VPS13A: variants seen among roughly 807,000 people sequenced by gnomAD.
VPS13A encodes vacuolar protein sorting 13 homolog A.
Under a neutral mutation model 390.9 loss-of-function variants are expected in VPS13A, and 264 were observed. The observed-to-expected ratio is 0.68, with a 90% CI of 0.61 to 0.75. The LOEUF (loss-of-function observed/expected upper bound fraction) is 0.75, where lower values mean the gene tolerates loss of function less well. Ranked by LOEUF, VPS13A falls within the 30% of genes least tolerant of loss-of-function variation. VPS13A has a pLI of 0.00. For synonymous variants in VPS13A, 1,231 were observed against 1,227.1 expected, an observed-to-expected ratio of 1.00 and a Z score of -0.07; for missense variants, 3,409 against 3,733.9, an observed-to-expected ratio of 0.91 and a Z score of 2.27.
At chr9:77,400,416 A>G (rs1320545907) in intron 68 of VPS13A, among the ~76,000 whole-genome samples, 1 of 151,628 alleles carries the variant, frequency 6.6e-6, no homozygotes, top group Non-Finnish European at 1.5e-5. Context: ...ATTTTACTTT[A>G]TTACTGTTTA....
rs1835274412 is a variant in VPS13A, at chr9:77,419,333, A to AAAT, written c.*3329_*3331dup. On this transcript the variant is annotated 3_prime_UTR_variant, in exon 72 of 72. Transcript: ENST00000360280. The stretch of plus-strand genomic sequence containing the variant: ...TAAAATGGTTAAGTATTGGTTCCTG[A>AAAT]AATACTGTTTCAGCTAAATATTCTA... 6.6e-6 allele frequency: 1 copy of AAAT among 152,224 alleles called. No individual in the cohort carries two copies. Among genetic ancestry groups the AAAT allele is most frequent in the South Asian group, 2.1e-4 (1 of 4,830 alleles). 9.4% of individuals were successfully genotyped at this position (152,224 alleles called of 1,614,324 possible).
In VPS13A at chr9:77,219,989, A is replaced by T. The variant is rs756511432; in HGVS notation, c.790A>T (p.Met264Leu). Reference sequence around the variant, plus strand: ...CATATCTGCTAATGCCAAACTTGTGATGAATCGCCGATCTGATTTTGACTT... The same window carrying T: ...CATATCTGCTAATGCCAAACTTGTGTTGAATCGCCGATCTGATTTTGACTT... ...RPISANAKLV[M>L]NRRSDFDFSA... The change falls in exon 11 of 72, where the codon ATG becomes TTG. Residue 264 changes from methionine to leucine, a missense_variant. This residue lies in a region of VPS13A where 2,717 missense variants were observed against 2,917.4 expected (regional missense o/e 0.93). Coordinates refer to ENST00000360280, the MANE Select transcript of VPS13A (RefSeq NM_033305.3). 6.2e-7 allele frequency: 1 copy of T among 1,613,568 alleles called. No homozygotes were observed. Among genetic ancestry groups the T allele is most frequent in the East Asian group, 2.2e-5 (1 of 44,820 alleles).
intron 52 of VPS13A, 106 bp from the exon 53 acceptor site, chr9:77,351,211 C>T: frequency 6.9e-7 from 1 of 1,446,896 alleles, no homozygotes; most frequent in East Asian, 2.4e-5. Flanking sequence ...TCAGAACGAT[C>T]ACAGATCTCA....
chr9:77,227,502 C>G lies in VPS13A; in HGVS notation c.1452+17C>G. On this transcript the variant is annotated intron_variant, in intron 16 of 71. Transcript: ENST00000360280. The stretch of plus-strand genomic sequence containing the variant: ...CTAAAAACAGTAAGATGTTTTCTTG[C>G]CTTATACCTTAGAATATATTTATTT... 6.5e-7 allele frequency: 1 copy of G among 1,528,756 alleles called. No individual in the cohort carries two copies. Among genetic ancestry groups the G allele is most frequent in the Middle Eastern group, 1.7e-4 (1 of 5,870 alleles). 94.7% of individuals were successfully genotyped at this position (1,528,756 alleles called of 1,614,324 possible). A position where few individuals can be genotyped will look rare whatever the true frequency, so the allele number is the denominator to read the frequency against.
At chr9:77,262,462 C>T (rs1825811388) in intron 23 of VPS13A, among the ~76,000 whole-genome samples, 2 of 151,856 alleles carry the variant, frequency 1.3e-5, no homozygotes, top group Non-Finnish European at 2.9e-5. Flanking sequence ...ATTTTAAGTT[C>T]TGGGATACAT....
chr9:77,348,232 A>G (rs922539923), intron 52 of VPS13A, among the ~76,000 whole-genome samples: 1 of 152,216 alleles, frequency 6.6e-6, no homozygotes, highest in Admixed American at 6.5e-5. Context: ...CCAAATGCCC[A>G]TCAACGATAG....
chr9:77,390,485 A>AGAACCTT (rs1833855851), intron 68 of VPS13A, among the ~76,000 whole-genome samples: 1 of 152,206 alleles, frequency 6.6e-6, no homozygotes, highest in African/African-American at 2.4e-5. Flanking sequence ...AACCCCACTT[A>AGAACCTT]GAACCTTCCA....
chr9:77,261,375 G>A (rs114217382), intron 23 of VPS13A, among the ~76,000 whole-genome samples: 67 of 151,436 alleles, frequency 4.4e-4, no homozygotes, highest in African/African-American at 1.6e-3. Flanking sequence ...ACCATCTTTT[G>A]CTTAATATAT....
intron 31 of VPS13A, among the ~76,000 whole-genome samples, chr9:77,289,868 C>T (rs1266362028): frequency 6.6e-6 from 1 of 151,468 alleles, no homozygotes; most frequent in Admixed American, 6.6e-5. Flanking sequence ...GCAACCTCTG[C>T]CTCCGGGGTT....
rs199814594 is a variant in VPS13A, at chr9:77,282,956, G to GAA, written c.3119-389_3119-388dup. 3.4e-4 allele frequency among the ~76,000 whole-genome samples: 46 copies of GAA among 136,708 alleles called. No homozygotes were observed. In the South Asian group the frequency reaches 7.8e-3, roughly 23 times the overall value. The allele number at this position is 136,708 out of a possible 152,430, so 89.7% of individuals were successfully genotyped here. A position where few individuals can be genotyped will look rare whatever the true frequency, so the allele number is the denominator to read the frequency against. ...GGGTAACAGAGAGAGACTCTGTTTCGAAAAAAAAAAACAAAAAAGAGTATC... is the reference window on the plus strand; with the variant it reads ...GGGTAACAGAGAGAGACTCTGTTTCGAAAAAAAAAAAAACAAAAAAGAGTATC... On this transcript the variant is annotated intron_variant, in intron 29 of 71. Coordinates refer to ENST00000360280, the MANE Select transcript of VPS13A (RefSeq NM_033305.3).
chr9:77,365,487 G>C lies in VPS13A; in HGVS notation c.8239G>C (p.Ala2747Pro), dbSNP rs1832381988. 8.7e-6 allele frequency: 14 copies of C among 1,611,096 alleles called. No individual in the cohort carries two copies. The South Asian group carries it at 1.4e-4, about 16-fold the overall frequency. ...EVELFHKDIE[A>P]FKEEYKTASL... is the part of the protein sequence containing the mutation. ...TGAGCTTTTTCATAAAGATATAGAA[G>C]CTTTCAAAGAAGAATATAAAACAGC... is the stretch of plus-strand genomic sequence containing the variant. Residue 2747 changes from alanine to proline, a missense_variant, in exon 60 of 72, where the codon GCT (alanine) becomes CCT (proline). Physicochemically the swap from Ala to Pro is conservative, Grantham distance 27 (BLOSUM62 -1). Around this residue, in one of 5 missense-constraint regions of VPS13A, gnomAD observed 123 missense variants for 118.7 expected, o/e 1.04. Transcript: ENST00000360280.
intron 16 of VPS13A, 25 bp downstream of exon 16, chr9:77,227,510 C>G: frequency 6.7e-7 from 1 of 1,495,520 alleles, no homozygotes; most frequent in Non-Finnish European, 9.3e-7. Context: ...TGCCTTATAC[C>G]TTAGAATATA....
rs1337741316 is a variant in VPS13A, at chr9:77,347,865, T to G, written c.7289+2723T>G. Among the ~76,000 whole-genome samples, 7 of 151,338 alleles carry G rather than the reference T, an allele frequency of 4.6e-5. No homozygotes were observed. The East Asian group carries it at 1.4e-3, about 29-fold the overall frequency. On this transcript the variant is annotated intron_variant, in intron 52 of 71. Transcript: ENST00000360280. ...AATCTTACCCTATACAAAGTGAAGTTTTTTTTTTTCCTGAATGCTCTGGGT... is the reference window on the plus strand; with the variant it reads ...AATCTTACCCTATACAAAGTGAAGTGTTTTTTTTTCCTGAATGCTCTGGGT...
Position 77,318,507 on chromosome 9 carries a change from T to C in VPS13A, c.5229T>C (p.Pro1743=). 1.2e-6 allele frequency: 2 copies of C among 1,614,004 alleles called. No individual in the cohort carries two copies. The highest frequency in any genetic ancestry group is 2.2e-5 in the South Asian group (2 of 91,084). Residue 1743 remains proline (P), a synonymous_variant, in exon 41 of 72, where the codon CCT becomes CCC. Coordinates refer to ENST00000360280, the MANE Select transcript of VPS13A (RefSeq NM_033305.3). ...LEAGIGHRTV[P]MLLAKSRFSG... ...CTGGAATTGGTCATAGAACAGTACC[T>C]ATGCTTCTGGCAAAGTCACGTTTTT...
chr9:77,313,748 A>C (rs986630469), intron 35 of VPS13A, among the ~76,000 whole-genome samples: 11 of 152,192 alleles, frequency 7.2e-5, no homozygotes, highest in Admixed American at 2.0e-4. Context: ...GAACAGAAGT[A>C]GGAACAGAAG....
chr9:77,220,472 T>A lies in VPS13A; in HGVS notation c.989+89T>A, dbSNP rs944362951. 5 of 920,674 alleles carry A rather than the reference T, an allele frequency of 5.4e-6. No individual in the cohort carries two copies. The East Asian group carries it at 1.1e-4, about 20-fold the overall frequency. The allele number at this position is 920,674 out of a possible 1,614,324, so 57.0% of individuals were successfully genotyped here. A position where few individuals can be genotyped will look rare whatever the true frequency, so the allele number is the denominator to read the frequency against. ...GACTTCAAGAATAATCTTTAAGATA[T>A]ACCATTTTTAAGGTCTGATACAAAC... On this transcript the variant is annotated intron_variant, in intron 12 of 71. Transcript: ENST00000360280.
At position 77,226,528 on chromosome 9, in the gene VPS13A, G is replaced by A. The variant is rs200142175; in HGVS notation, c.1287G>A (p.Gly429=). The part of the protein sequence containing the change: ...EGVKDPEDNK[G]WFSWLWSWSE... ...TAAAAGATCCAGAGGATAATAAAGG[G>A]TGGTTTAGCTGGCTATGGTCTTGGT... is the stretch of plus-strand genomic sequence containing the variant. Residue 429 remains glycine (G), a synonymous_variant, in exon 15 of 72, where the codon GGG becomes GGA. Coordinates refer to ENST00000360280, the MANE Select transcript of VPS13A (RefSeq NM_033305.3). 4.3e-6 allele frequency: 7 copies of A among 1,613,096 alleles called. No individual in the cohort carries two copies. The highest frequency in any genetic ancestry group is 5.9e-6 in the Non-Finnish European group (7 of 1,179,392).
At chr9:77,315,568 T>C (rs1829336270) in intron 38 of VPS13A, 98 bp downstream of exon 38, 1 of 1,175,464 alleles carries the variant, frequency 8.5e-7, no homozygotes, top group South Asian at 1.3e-5. Context: ...GTAAATGCTT[T>C]AAGAAATTAA....
At chr9:77,276,951 A>G (rs1826716254) in intron 26 of VPS13A, among the ~76,000 whole-genome samples, 1 of 152,166 alleles carries the variant, frequency 6.6e-6, no homozygotes, top group South Asian at 2.1e-4. Context: ...CTTTTGCCAT[A>G]TGAGTTAACA....
Sources: gnomAD v4.1 joint callset for allele counts (sites outside exome capture counted in the v4.1 genomes callset) on GRCh38, gnomAD v4.1.1 for gene constraint, gnomAD v4.1.1 regional missense constraint, MANE v1.5 for transcripts, NCBI Gene and HGNC (gene_info 2026-07-23, HGNC 2026-07-21) for gene names.